The following CES4A variants were observed in gnomAD, a reference collection of about 807,000 sequenced individuals.
The protein encoded by CES4A is carboxylesterase 4A, also known as carboxylesterase 6.
Under a neutral mutation model 65.4 loss-of-function variants are expected in CES4A, and 48 were observed. That is an observed-to-expected ratio of 0.73 (90% CI 0.58 to 0.93). CES4A has a LOEUF of 0.93. Ranked by LOEUF, CES4A falls within the 40% of genes least tolerant of loss-of-function variation. The pLI is 0.00. For synonymous variants in CES4A, 247 were observed against 281.8 expected (o/e 0.88, Z 1.24); for missense variants, 685 against 728.5 (o/e 0.94, Z 0.69).
chr16:67,004,655 G>A (rs1965613533), intron 9 of CES4A, 138 bp from the exon 10 acceptor site: 1 of 687,036 alleles, frequency 1.5e-6, no homozygotes, highest in Admixed American at 2.3e-5. Context: ...AGAGAGTCAT[G>A]GGCCCTTCCT....
rs945187341 is a variant in CES4A, at chr16:66,995,517, C to G, written c.59-111C>G. On this transcript the variant is annotated intron_variant, in intron 1 of 13. Transcript: ENST00000648724. ...GTGGCTGCGCAGGGGTGACCCTTTTCCCCTCTCTTTCCAGGTGCCTTGGTC... is the reference window on the plus strand; with the variant it reads ...GTGGCTGCGCAGGGGTGACCCTTTTGCCCTCTCTTTCCAGGTGCCTTGGTC... The G allele has an allele frequency of 6.8e-6, 6 of 888,636 alleles. No individual in the cohort carries two copies. In the East Asian group the frequency reaches 1.4e-4, roughly 21 times the overall value. 55.0% of individuals were successfully genotyped at this position (888,636 alleles called of 1,614,324 possible).
exon 12 of CES4A, chr16:67,006,506 C>T: frequency 6.5e-7 from 1 of 1,537,158 alleles, no homozygotes; most frequent in Middle Eastern, 1.7e-4. Context: ...TCTTTGGGGG[C>T]CCCTTCGCCA....
At chr16:66,989,458 G>A (rs534299096) in intron 1 of CES4A, among the ~76,000 whole-genome samples, 2 of 152,124 alleles carry the variant, frequency 1.3e-5, no homozygotes, top group East Asian at 3.9e-4. Context: ...ACTTTGAGAG[G>A]CTGAGGTGGG....
intron 2 of CES4A, among the ~76,000 whole-genome samples, chr16:66,997,948 AACACACACACACACACACACACACACAC>A (rs57562021): frequency 1.6e-5 from 2 of 127,298 alleles, no homozygotes; most frequent in East Asian, 2.4e-4. Flanking sequence ...CCCTATCTAA[AACACACACACACACACACACACACACAC>A]ACACACACAC....
intron 1 of CES4A, among the ~76,000 whole-genome samples, chr16:66,993,712 TGTGA>T (rs1964575403): frequency 6.6e-6 from 1 of 152,184 alleles, no homozygotes; most frequent in African/African-American, 2.4e-5. Flanking sequence ...AGCATGTACA[TGTGA>T]GTATTAGATG....
intron 1 of CES4A, among the ~76,000 whole-genome samples, chr16:66,995,139 G>A (rs1051514277): frequency 4.6e-5 from 7 of 151,868 alleles, no homozygotes; most frequent in Admixed American, 1.3e-4. Flanking sequence ...GTGAAACACC[G>A]CCTCTACTAA....
intron 2 of CES4A, chr16:66,996,036 T>G (rs773845202): frequency 1.9e-5 from 13 of 686,452 alleles, no homozygotes; most frequent in Non-Finnish European, 2.7e-5. Flanking sequence ...TGTTGGTTTT[T>G]GTTTTTGTTT....
rs760684235 is a variant in CES4A at position 67,001,060 on chromosome 16, G to T, written c.536+70G>T. 4 of 1,071,120 alleles carry T rather than the reference G, an allele frequency of 3.7e-6. No homozygotes were observed. Among genetic ancestry groups the T allele is most frequent in the Non-Finnish European group, 2.7e-6 (2 of 743,892 alleles). The allele number at this position is 1,071,120 out of a possible 1,614,324, so 66.4% of individuals were successfully genotyped here. ...GGCGGGGACTGGGTGGGAAGGGAGG[G>T]GCGGGGCCTGGGGCGGGGATGGGGG... On this transcript the variant is annotated intron_variant, in intron 4 of 13. Coordinates refer to ENST00000648724, the Ensembl canonical transcript of CES4A. The surrounding 1 kb of genome is among the most constrained non-coding windows in gnomAD (Gnocchi z 4.1).
exon 2 of CES4A, chr16:66,995,637 A>G (rs774657354): frequency 6.2e-7 from 1 of 1,614,076 alleles, no homozygotes; most frequent in South Asian, 1.1e-5. Flanking sequence ...GGTGCCTTGC[A>G]CACCAAGAGG....
At chr16:67,009,205 C>CGCT in exon 14 of CES4A, 2 of 1,495,762 alleles carry the variant, frequency 1.3e-6, no homozygotes, top group African/African-American at 2.8e-5. Flanking sequence ...CCTGGGGAGA[C>CGCT]TAGCCATGGA....
chr16:67,009,284 C>A, exon 14 of CES4A: 1 of 781,560 alleles, frequency 1.3e-6, no homozygotes, highest in Non-Finnish European at 2.0e-6. Flanking sequence ...GCCTCCAGGC[C>A]AAAGCTAGAG....
chr16:67,008,859 C>T (rs768999536), intron 13 of CES4A, 115 bp from the exon 14 acceptor site: 50 of 1,043,006 alleles, frequency 4.8e-5, no homozygotes, highest in East Asian at 7.1e-5. Context: ...GTATCATCTC[C>T]GTAAAGCCCT....
intron 11 of CES4A, chr16:67,006,115 G>A (rs1047044187): frequency 2.4e-6 from 1 of 410,912 alleles, no homozygotes; most frequent in Non-Finnish European, 4.5e-6. Context: ...ACAGGGAAAA[G>A]GAAGGCTTCC....
At chr16:67,004,960 G>A in intron 10 of CES4A, 87 bp downstream of exon 10, 1 of 1,061,116 alleles carries the variant, frequency 9.4e-7, no homozygotes. Flanking sequence ...CTTTGCAAAG[G>A]GGCTCCCAGC....
Position 67,003,985 on chromosome 16 carries a change from G to A in CES4A, c.940-99G>A, listed in dbSNP as rs976004306. On this transcript the variant is annotated intron_variant, in intron 8 of 13. Transcript: ENST00000648724. The surrounding 1 kb of genome is among the most constrained non-coding windows in gnomAD (Gnocchi z 4.2). ...CAGCCCCAGCCTTTTCCCAATCAAA[G>A]AACCTAGGCTAGAGCAGCCTCTGAA... The A allele has an allele frequency of 8.7e-6, 11 of 1,264,614 alleles. No individual in the cohort carries two copies. In the South Asian group the frequency reaches 1.5e-4, roughly 17 times the overall value. 78.3% of individuals were successfully genotyped at this position (1,264,614 alleles called of 1,614,324 possible).
chr16:67,005,401 G>C lies in CES4A; in HGVS notation c.1315+8G>C. On this transcript the variant is annotated splice_region_variant and intron_variant, in intron 11 of 13. Transcript: ENST00000648724. ...CTGCTCACTACCACCGAGGTATGCA[G>C]GGTCCCCAAGAGTGGCCACACTGGC... 1 of 1,612,862 alleles carries C rather than the reference G, an allele frequency of 6.2e-7. No homozygotes were observed. The highest frequency in any genetic ancestry group is 1.1e-5 in the South Asian group (1 of 90,996).
chr16:67,001,029 C>T lies in CES4A; in HGVS notation c.536+39C>T, dbSNP rs1454243669. On this transcript the variant is annotated intron_variant, in intron 4 of 13. Transcript: ENST00000648724. The surrounding 1 kb of genome is among the most constrained non-coding windows in gnomAD (Gnocchi z 4.1). ...TACCCTTTGGGACCGCAGCTGTGGC[C>T]AGAGCGGCGGGGACTGGGTGGGAAG... 7.0e-7 allele frequency: 1 copy of T among 1,434,274 alleles called. No homozygotes were observed. The highest frequency in any genetic ancestry group is 9.4e-7 in the Non-Finnish European group (1 of 1,066,702). 88.8% of individuals were successfully genotyped at this position (1,434,274 alleles called of 1,614,324 possible). A position where few individuals can be genotyped will look rare whatever the true frequency, so the allele number is the denominator to read the frequency against.
At position 67,000,477 on chromosome 16, in the gene CES4A, G is replaced by A. The variant is rs1597078109; in HGVS notation, c.261-161G>A. 1 of 1,423,304 alleles carries A rather than the reference G, an allele frequency of 7.0e-7. No individual in the cohort carries two copies. Among genetic ancestry groups the A allele is most frequent in the East Asian group, 2.6e-5 (1 of 38,504 alleles). The allele number at this position is 1,423,304 out of a possible 1,614,324, so 88.2% of individuals were successfully genotyped here. A position where few individuals can be genotyped will look rare whatever the true frequency, so the allele number is the denominator to read the frequency against. ...CCTGCCTCCCAGTCCTGGGCCCCGG[G>A]GCTGGCGGAGGCCTCCTGTACACGC... On this transcript the variant is annotated intron_variant, in intron 2 of 13. Transcript: ENST00000648724. The surrounding 1 kb of genome is among the most constrained non-coding windows in gnomAD (Gnocchi z 4.2).
In CES4A at chr16:67,001,312, G is replaced by A. The variant is rs1338102520; in HGVS notation, c.541G>A (p.Asp181Asn). The change falls in exon 5 of 14, where the codon GAC (aspartate) becomes AAC (asparagine). Residue 181 changes from aspartate (D) to asparagine (N), a missense_variant. Asp to Asn is a conservative substitution (Grantham distance 23, BLOSUM62 1). Transcript: ENST00000648724. The surrounding 1 kb of genome is among the most constrained non-coding windows in gnomAD (Gnocchi z 4.1). ...CAGTGAACCCCACACGCCCAGCACG[G>A]ACGACAGCCACGCGCGCGGGAACTG... 1 of 1,605,334 alleles carries A rather than the reference G, an allele frequency of 6.2e-7. No individual in the cohort carries two copies. The highest frequency in any genetic ancestry group is 8.5e-7 in the Non-Finnish European group (1 of 1,175,764).
Sources: allele counts gnomAD v4.1 joint callset (sites outside exome capture counted in the v4.1 genomes callset), GRCh38; gene constraint gnomAD v4.1.1; non-coding constraint Gnocchi (gnomAD v3.1); transcripts MANE v1.5; gene names NCBI Gene and HGNC (gene_info 2026-07-23, HGNC 2026-07-21).